Variants in PLXDC2 observed in about 807,000 individuals in gnomAD.
PLXDC2 encodes plexin domain containing 2.
A neutral mutation model predicts 68.9 loss-of-function variants in PLXDC2; 40 were observed. The ratio of observed to expected loss-of-function variants is 0.58; its 90% CI spans 0.45 to 0.76. The LOEUF (loss-of-function observed/expected upper bound fraction) is 0.76, where lower values mean the gene tolerates loss of function less well. Among genes scored for constraint, PLXDC2 ranks in the 30% least tolerant of loss-of-function variants. PLXDC2 has a pLI of 0.00. For missense variants in PLXDC2, 644 were observed against 661.9 expected (o/e 0.97, Z 0.30); for synonymous variants, 243 against 234.2 (o/e 1.04, Z -0.34).
At chr10:19,922,714 G>C (rs1454153572) in intron 1 of PLXDC2, among the ~76,000 whole-genome samples, 5 of 152,198 alleles carry the variant, frequency 3.3e-5, no homozygotes, top group Admixed American at 1.3e-4. Flanking sequence ...AGTGATTTCA[G>C]TGGCAAAATC....
At chr10:20,237,469 GAAAGTT>G (rs1290077370) in intron 12 of PLXDC2, among the ~76,000 whole-genome samples, 1 of 152,156 alleles carries the variant, frequency 6.6e-6, no homozygotes, top group Non-Finnish European at 1.5e-5. Context: ...TATGTATATA[GAAAGTT>G]AAAGAGGTAA....
intron 9 of PLXDC2, among the ~76,000 whole-genome samples, chr10:20,187,983 C>A (rs913179887): frequency 6.6e-6 from 1 of 151,544 alleles, no homozygotes; most frequent in Non-Finnish European, 1.5e-5. Flanking sequence ...ATCTAAAGTT[C>A]TTTTTATATT....
chr10:20,003,723 C>T (rs1442911076), intron 2 of PLXDC2, among the ~76,000 whole-genome samples: 1 of 152,182 alleles, frequency 6.6e-6, no homozygotes, highest in Non-Finnish European at 1.5e-5. Context: ...TGAGCCACTG[C>T]ACCCAGCAAG....
At chr10:20,117,169 A>G (rs2131754845) in intron 4 of PLXDC2, among the ~76,000 whole-genome samples, 1 of 152,308 alleles carries the variant, frequency 6.6e-6, no homozygotes, top group East Asian at 1.9e-4. Flanking sequence ...AGTTTTCAAT[A>G]ACAGTAGCTT....
At chr10:20,076,382 T>G (rs1836451976) in intron 4 of PLXDC2, among the ~76,000 whole-genome samples, 1 of 152,224 alleles carries the variant, frequency 6.6e-6, no homozygotes, top group African/African-American at 2.4e-5. Flanking sequence ...TGTATGATCT[T>G]CAGCAAATGA....
intron 4 of PLXDC2, among the ~76,000 whole-genome samples, chr10:20,075,754 A>T (rs565596981): frequency 2.6e-5 from 4 of 152,182 alleles, no homozygotes; most frequent in Non-Finnish European, 5.9e-5. Context: ...TGAGCAGAGC[A>T]TTGGCACATG....
In PLXDC2 at chr10:19,973,330, A is replaced by G. The variant is rs1026987921; in HGVS notation, c.113-28445A>G. Among the ~76,000 whole-genome samples, 169 of 142,160 alleles carry G rather than the reference A, an allele frequency of 1.2e-3. 1 individual carries two copies. Among genetic ancestry groups the G allele is most frequent in the African/African-American group, 4.7e-3 (165 of 34,760 alleles). 93.3% of individuals were successfully genotyped at this position (142,160 alleles called of 152,430 possible). On this transcript the variant is annotated intron_variant, in intron 1 of 13. Coordinates refer to ENST00000377252, the MANE Select transcript of PLXDC2 (RefSeq NM_032812.9). ...TATACTCACATATATATGTATACAT[A>G]TATATGTGTATATATGTATACTCAC...
intron 1 of PLXDC2, among the ~76,000 whole-genome samples, chr10:19,933,042 T>G (rs77834970): frequency 0.014 from 2,099 of 152,280 alleles, 32 homozygotes; most frequent in Non-Finnish European, 0.019. Flanking sequence ...AGAAAATCAG[T>G]GTCAAACAAA....
chr10:20,053,509 A>T (rs1329929576), intron 3 of PLXDC2, among the ~76,000 whole-genome samples: 1 of 152,104 alleles, frequency 6.6e-6, no homozygotes, highest in East Asian at 1.9e-4. Flanking sequence ...AAAGTTTCTG[A>T]CTATAAACCT....
chr10:19,876,037 T>A (rs1376155423), intron 1 of PLXDC2, among the ~76,000 whole-genome samples: 1 of 152,172 alleles, frequency 6.6e-6, no homozygotes, highest in Non-Finnish European at 1.5e-5. Context: ...TCCACAAAAT[T>A]TGAGGACAAT....
At chr10:19,939,577 C>A (rs538092135) in intron 1 of PLXDC2, among the ~76,000 whole-genome samples, 17 of 152,080 alleles carry the variant, frequency 1.1e-4, no homozygotes, top group Non-Finnish European at 1.9e-4. Flanking sequence ...AAGTTATATG[C>A]AAGATTTTGT....
At chr10:19,934,442 G>A (rs1386398316) in intron 1 of PLXDC2, among the ~76,000 whole-genome samples, 1 of 152,192 alleles carries the variant, frequency 6.6e-6, no homozygotes, top group Non-Finnish European at 1.5e-5. Flanking sequence ...CAACAAGAGA[G>A]ATGCCACCTT....
At chr10:19,935,928 C>T (rs1678119054) in intron 1 of PLXDC2, among the ~76,000 whole-genome samples, 1 of 152,094 alleles carries the variant, frequency 6.6e-6, no homozygotes, top group Admixed American at 6.5e-5. Flanking sequence ...ACTGCTATTC[C>T]TAGTAGATAT....
At chr10:19,900,613 T>A (rs1465470128) in intron 1 of PLXDC2, among the ~76,000 whole-genome samples, 2 of 152,114 alleles carry the variant, frequency 1.3e-5, no homozygotes, top group Non-Finnish European at 2.9e-5. Flanking sequence ...ATTTATTTAT[T>A]TATTATTCAA....
At chr10:20,219,190 C>A in intron 12 of PLXDC2, 88 bp downstream of exon 12, 1 of 1,355,042 alleles carries the variant, frequency 7.4e-7, no homozygotes, top group South Asian at 1.3e-5. Flanking sequence ...ATACGGGCTT[C>A]TAGATAAAAG....
chr10:20,107,513 C>A (rs115556123), intron 4 of PLXDC2, among the ~76,000 whole-genome samples: 96 of 152,158 alleles, frequency 6.3e-4, no homozygotes, highest in African/African-American at 2.2e-3. Context: ...ACCTAAAGTT[C>A]TTTTTTTGTT....
At chr10:19,991,186 C>T (rs957075882) in intron 1 of PLXDC2, among the ~76,000 whole-genome samples, 2 of 149,320 alleles carry the variant, frequency 1.3e-5, no homozygotes, top group African/African-American at 2.5e-5. Context: ...GCAGAGGTTG[C>T]GGTGAGCCGA....
chr10:19,948,880 C>T (rs1295176142), intron 1 of PLXDC2, among the ~76,000 whole-genome samples: 2 of 152,008 alleles, frequency 1.3e-5, no homozygotes, highest in East Asian at 3.9e-4. Context: ...CGCGGTGGCT[C>T]ACGTCTGTAA....
At chr10:19,893,806 G>T (rs568452601) in intron 1 of PLXDC2, among the ~76,000 whole-genome samples, 1 of 152,128 alleles carries the variant, frequency 6.6e-6, no homozygotes, top group African/African-American at 2.4e-5. Flanking sequence ...GACAACTCAT[G>T]TCTCCTCAAC....
Sources: gnomAD v4.1 joint callset for allele counts (sites outside exome capture counted in the v4.1 genomes callset) on GRCh38, gnomAD v4.1.1 for gene constraint, MANE v1.5 for transcripts, NCBI Gene and HGNC (gene_info 2026-07-23, HGNC 2026-07-21) for gene names.